SLC35F3: variants seen among roughly 807,000 people sequenced by gnomAD.
SLC35F3 encodes the protein putative thiamine transporter SLC35F3.
A neutral mutation model predicts 49.9 loss-of-function variants in SLC35F3; 25 were observed. The observed-to-expected ratio is 0.50, with a 90% confidence interval of 0.37 to 0.70. The LOEUF (loss-of-function observed/expected upper bound fraction) is 0.70, where lower values mean the gene tolerates loss of function less well. Ranked by LOEUF, SLC35F3 falls within the 30% of genes least tolerant of loss-of-function variation. SLC35F3 has a pLI of 0.00. For synonymous variants in SLC35F3, 275 were observed against 265.4 expected (o/e 1.04, Z -0.35); for missense variants, 525 against 639.8 (o/e 0.82, Z 1.94).
At chr1:234,267,456 C>T (rs1430054420) in intron 3 of SLC35F3, among the ~76,000 whole-genome samples, 6 of 140,750 alleles carry the variant, frequency 4.3e-5, no homozygotes, top group South Asian at 2.3e-4. Context: ...TAGGGGCGGC[C>T]GGGCAGAAGC....
intron 3 of SLC35F3, among the ~76,000 whole-genome samples, chr1:234,250,910 A>C (rs1383996302): frequency 6.6e-6 from 1 of 152,154 alleles, no homozygotes; most frequent in Non-Finnish European, 1.5e-5. Flanking sequence ...GCCATTCAGG[A>C]GGGATTTGCC....
At chr1:234,283,253 C>T (rs1417221970) in intron 3 of SLC35F3, among the ~76,000 whole-genome samples, 9 of 152,212 alleles carry the variant, frequency 5.9e-5, no homozygotes, top group Non-Finnish European at 4.4e-5. Flanking sequence ...GCCAAGCCAA[C>T]GTGCACATCA....
chr1:234,313,155 G>A (rs145630077), intron 4 of SLC35F3, among the ~76,000 whole-genome samples: 88 of 152,326 alleles, frequency 5.8e-4, no homozygotes, highest in African/African-American at 2.0e-3. Flanking sequence ...GGGATTACAG[G>A]TGTGAACCAC....
intron 2 of SLC35F3, among the ~76,000 whole-genome samples, chr1:234,122,249 A>G (rs1665587493): frequency 6.6e-6 from 1 of 152,254 alleles, no homozygotes; most frequent in South Asian, 2.1e-4. Context: ...CTGCAGGTTA[A>G]TCAAAAGCAT....
chr1:234,264,356 A>G (rs1437843901), intron 3 of SLC35F3, among the ~76,000 whole-genome samples: 1 of 152,134 alleles, frequency 6.6e-6, no homozygotes, highest in Non-Finnish European at 1.5e-5. Context: ...TAAGAATTTA[A>G]AAAGTACACC....
intron 3 of SLC35F3, among the ~76,000 whole-genome samples, chr1:234,263,514 A>G (rs751973322): frequency 5.3e-5 from 8 of 152,140 alleles, no homozygotes; most frequent in Non-Finnish European, 8.8e-5. Context: ...CCTTGATTTA[A>G]GGCTGGGAGG....
Position 234,099,986 on chromosome 1 carries a change from A to G in SLC35F3, c.284-131431A>G, listed in dbSNP as rs1237041804. Among the ~76,000 whole-genome samples, 2 of 152,234 alleles carry G rather than the reference A, an allele frequency of 1.3e-5. 1 individual carries two copies. The highest frequency in any genetic ancestry group is 2.9e-5 in the Non-Finnish European group (2 of 68,042). On this transcript the variant is annotated intron_variant, in intron 2 of 7. Coordinates refer to ENST00000366618, the MANE Select transcript of SLC35F3 (RefSeq NM_173508.4). ...GAGTCTTAAATAACAATTGCTTTATATAATCCACATACTACTTTATATTAA... is the reference window on the plus strand; with the variant it reads ...GAGTCTTAAATAACAATTGCTTTATGTAATCCACATACTACTTTATATTAA...
intron 3 of SLC35F3, among the ~76,000 whole-genome samples, chr1:234,257,069 T>C (rs554234968): frequency 6.6e-6 from 1 of 152,374 alleles, no homozygotes; most frequent in African/African-American, 2.4e-5. Flanking sequence ...GGGTGCATTT[T>C]ATTGTATGTA....
At chr1:233,914,062 A>G (rs969788487) in intron 2 of SLC35F3, among the ~76,000 whole-genome samples, 1 of 152,142 alleles carries the variant, frequency 6.6e-6, no homozygotes, top group South Asian at 2.1e-4. Flanking sequence ...TTCCCAGCTC[A>G]AGACCCCTTA....
intron 3 of SLC35F3, among the ~76,000 whole-genome samples, chr1:234,263,663 T>C (rs1667938008): frequency 6.6e-6 from 1 of 152,176 alleles, no homozygotes; most frequent in African/African-American, 2.4e-5. Flanking sequence ...TCTAATGCAG[T>C]TGAAGTTTAA....
chr1:234,017,124 A>G (rs1467896456), intron 2 of SLC35F3, among the ~76,000 whole-genome samples: 2 of 152,224 alleles, frequency 1.3e-5, no homozygotes, highest in South Asian at 2.1e-4. Context: ...TCTCATTTGC[A>G]GTAGTTATGC....
At chr1:233,981,175 C>T (rs1663175988) in intron 2 of SLC35F3, among the ~76,000 whole-genome samples, 3 of 152,148 alleles carry the variant, frequency 2.0e-5, no homozygotes, top group African/African-American at 7.2e-5. Context: ...GGGTACAATC[C>T]ACAGACTTTA....
chr1:233,977,331 A>C lies in SLC35F3; in HGVS notation c.283+71573A>C, dbSNP rs12046921. On this transcript the variant is annotated intron_variant, in intron 2 of 7. Transcript: ENST00000366618. ...TCCACCTCCATATGCTTATGGGATTACAAAATTGCAGCTTTGTCTTTTAGA... is the reference window on the plus strand; with the variant it reads ...TCCACCTCCATATGCTTATGGGATTCCAAAATTGCAGCTTTGTCTTTTAGA... Among the ~76,000 whole-genome samples the C allele has an allele frequency of 0.016, 2,478 of 152,326 alleles. 95 individuals are homozygous for C. The East Asian group carries it at 0.17, about 10-fold the overall frequency.
At chr1:234,072,239 A>C (rs766435001) in intron 2 of SLC35F3, among the ~76,000 whole-genome samples, 1 of 152,192 alleles carries the variant, frequency 6.6e-6, no homozygotes, top group Non-Finnish European at 1.5e-5. Context: ...ACATTTATTT[A>C]TCTGTGAAGA....
chr1:234,290,485 G>A (rs1668489354), intron 3 of SLC35F3, among the ~76,000 whole-genome samples: 1 of 152,204 alleles, frequency 6.6e-6, no homozygotes, highest in South Asian at 2.1e-4. Flanking sequence ...TCACTCAAGA[G>A]AAGGGTTAAC....
rs560136344 is a variant in SLC35F3, at chr1:234,321,290, C to T, written c.1237+1103C>T. On this transcript the variant is annotated intron_variant, in intron 7 of 7. Coordinates refer to ENST00000366618, the MANE Select transcript of SLC35F3 (RefSeq NM_173508.4). ...GGGCTCAGGCCCAGCACCACCACAA[C>T]CCACCTGGAGATCTGTGGTCCCAAC... 2.7e-3 allele frequency among the ~76,000 whole-genome samples: 416 copies of T among 152,344 alleles called. 3 individuals carry two copies. The highest frequency in any genetic ancestry group is 0.022 in the South Asian group (108 of 4,830).
intron 2 of SLC35F3, among the ~76,000 whole-genome samples, chr1:234,208,202 C>G (rs1369323505): frequency 6.6e-6 from 1 of 152,196 alleles, no homozygotes; most frequent in East Asian, 1.9e-4. Context: ...TTTCCATGCT[C>G]TGTCGGTCTC....
At chr1:233,963,899 G>GT (rs80155809) in intron 2 of SLC35F3, among the ~76,000 whole-genome samples, 11,462 of 152,266 alleles carry the variant, frequency 0.075, 634 homozygotes, top group East Asian at 0.22. Flanking sequence ...CTGGAGCCTA[G>GT]TTTTTTTCTG....
At chr1:234,205,841 A>G (rs901524155) in intron 2 of SLC35F3, among the ~76,000 whole-genome samples, 2 of 152,126 alleles carry the variant, frequency 1.3e-5, no homozygotes, top group Admixed American at 6.5e-5. Flanking sequence ...CTGCCTGAGC[A>G]GATAGCAGAA....
Sources: gnomAD v4.1 joint callset for allele counts (sites outside exome capture counted in the v4.1 genomes callset) on GRCh38, gnomAD v4.1.1 for gene constraint, MANE v1.5 for transcripts, NCBI Gene and HGNC (gene_info 2026-07-23, HGNC 2026-07-21) for gene names.